The following POLN variants were observed in gnomAD, a reference collection of about 807,000 sequenced individuals.
POLN encodes the protein DNA polymerase nu.
In POLN, 108 loss-of-function variants were observed where a neutral mutation model predicts 113.5. That is an observed-to-expected ratio of 0.95 (90% CI 0.81 to 1.12). POLN has a LOEUF of 1.12. Ranked by LOEUF, POLN falls within the 50% of genes most tolerant of loss-of-function variation. The pLI, the probability that POLN is intolerant of heterozygous loss-of-function variation, is 0.00. For missense variants in POLN, 1,097 were observed against 1,077.1 expected, an observed-to-expected ratio of 1.02 and a Z score of -0.26; for synonymous variants, 386 against 391.5, an observed-to-expected ratio of 0.99 and a Z score of 0.17.
intron 4 of POLN, among the ~76,000 whole-genome samples, chr4:2,209,077 T>C (rs779116633): frequency 1.3e-4 from 20 of 152,204 alleles, no homozygotes; most frequent in Non-Finnish European, 2.5e-4. Context: ...TTATGTTGCA[T>C]ATGTGCATAA....
chr4:2,131,876 A>G (rs1237547612), intron 16 of POLN, among the ~76,000 whole-genome samples: 4 of 152,204 alleles, frequency 2.6e-5, no homozygotes, highest in African/African-American at 9.7e-5. Flanking sequence ...GCCCGTTTCA[A>G]CTATTCAAAT....
chr4:2,216,171 C>T (rs1734107925), intron 3 of POLN, among the ~76,000 whole-genome samples: 2 of 152,250 alleles, frequency 1.3e-5, no homozygotes, highest in African/African-American at 4.8e-5. Flanking sequence ...CAGCCAGTCT[C>T]TTGGCACAAG....
chr4:2,080,337 A>G, intron 23 of POLN: 1 of 999,828 alleles, frequency 1.0e-6, no homozygotes, highest in South Asian at 4.0e-5. Flanking sequence ...GGCCTGAGAG[A>G]GCTGTGGCCT....
intron 2 of POLN, chr4:2,231,871 C>G (rs1734590031): frequency 1.3e-6 from 1 of 760,150 alleles, no homozygotes; most frequent in African/African-American, 1.8e-5. Flanking sequence ...TTATTATACA[C>G]AGTCTTCTAA....
chr4:2,164,522 G>A (rs1223904079), intron 13 of POLN, among the ~76,000 whole-genome samples: 1 of 141,744 alleles, frequency 7.1e-6, no homozygotes, highest in Non-Finnish European at 1.5e-5. Flanking sequence ...AAAAAAAAAG[G>A]CTGGGTGTGG....
At chr4:2,076,210 T>G (rs536088538) in intron 23 of POLN, 2 of 153,502 alleles carry the variant, frequency 1.3e-5, no homozygotes, top group South Asian at 4.1e-4. Context: ...GCTCACAGAT[T>G]CAAGTGCAAG....
At chr4:2,150,094 CAAAAACA>C (rs1436532828) in intron 16 of POLN, among the ~76,000 whole-genome samples, 7 of 151,212 alleles carry the variant, frequency 4.6e-5, no homozygotes, top group South Asian at 2.1e-4. Flanking sequence ...AAAACAAAAA[CAAAAACA>C]AAAAACAAAA....
chr4:2,080,052 G>C, intron 23 of POLN: 1 of 985,522 alleles, frequency 1.0e-6, no homozygotes. Flanking sequence ...TAGGGTGGGG[G>C]TGGGAAAACG....
intron 1 of POLN, 64 bp from the exon 2 acceptor site, chr4:2,241,854 T>A: frequency 1.0e-6 from 1 of 984,238 alleles, no homozygotes; most frequent in Non-Finnish European, 1.2e-6. Context: ...AAGACGGGGG[T>A]GACAGGCCCC....
At chr4:2,220,559 A>T (rs1270466427) in intron 3 of POLN, among the ~76,000 whole-genome samples, 1 of 152,156 alleles carries the variant, frequency 6.6e-6, no homozygotes, top group Non-Finnish European at 1.5e-5. Context: ...CCTTGAGGGG[A>T]GAGACCCTGC....
At chr4:2,072,448 C>T (rs961300236) in intron 25 of POLN, 149 bp from the exon 26 acceptor site, 25 of 661,444 alleles carry the variant, frequency 3.8e-5, no homozygotes, top group African/African-American at 1.8e-4. Flanking sequence ...CATGTGCATA[C>T]ACGTGCACAC....
In POLN at chr4:2,156,375, C is replaced by CT. The variant is rs34241266; in HGVS notation, c.1731+412dup. 1,567 of 383,014 alleles carry CT rather than the reference C, an allele frequency of 4.1e-3. 3 individuals carry two copies. The highest frequency in any genetic ancestry group is 0.013 in the East Asian group (173 of 13,402). 23.7% of individuals were successfully genotyped at this position (383,014 alleles called of 1,614,324 possible). ...ATCATAAGTTCAAGGGAATTTAGAG[C>CT]TTTTTTTTTTTTTTTCTTCATCAGA... On this transcript the variant is annotated intron_variant, in intron 16 of 25. Coordinates refer to ENST00000511885, the MANE Select transcript of POLN (RefSeq NM_181808.4).
chr4:2,177,976 C>T (rs28432042), intron 8 of POLN, among the ~76,000 whole-genome samples: 37,577 of 152,242 alleles, frequency 0.25, 7,170 homozygotes, highest in African/African-American at 0.52. Context: ...CTGGTACTGC[C>T]TTTCCTCTGA....
chr4:2,159,930 A>T (rs1732536062), intron 13 of POLN, among the ~76,000 whole-genome samples: 1 of 152,192 alleles, frequency 6.6e-6, no homozygotes, highest in Non-Finnish European at 1.5e-5. Flanking sequence ...GGCTATTATG[A>T]ATAATGCTGG....
intron 7 of POLN, among the ~76,000 whole-genome samples, chr4:2,182,427 T>C (rs2108752198): frequency 6.6e-6 from 1 of 152,250 alleles, no homozygotes; most frequent in East Asian, 1.9e-4. Context: ...TGGAGGGATG[T>C]GTCTACAAGT....
intron 13 of POLN, among the ~76,000 whole-genome samples, chr4:2,167,947 T>C (rs1732769440): frequency 6.6e-6 from 1 of 151,588 alleles, no homozygotes; most frequent in Admixed American, 6.6e-5. Flanking sequence ...TATCTGGGAA[T>C]CCCCCACACA....
chr4:2,148,305 A>T (rs1219724626), intron 16 of POLN, among the ~76,000 whole-genome samples: 2 of 152,190 alleles, frequency 1.3e-5, no homozygotes. Flanking sequence ...GCTATGGGAC[A>T]AATTGACCTA....
In POLN at chr4:2,126,780, G is replaced by A. The variant is rs770796825; in HGVS notation, c.1982+1333C>T. Among the ~76,000 whole-genome samples, 5 of 152,132 alleles carry A rather than the reference G, an allele frequency of 3.3e-5. No homozygotes were observed. Among genetic ancestry groups the A allele is most frequent in the Admixed American group, 6.5e-5 (1 of 15,282 alleles). On this transcript the variant is annotated intron_variant, in intron 19 of 25. Coordinates refer to ENST00000511885, the MANE Select transcript of POLN (RefSeq NM_181808.4). The surrounding 1 kb of genome is among the most constrained non-coding windows in gnomAD (Gnocchi z 4.6). ...AAGAGCTTCCTGAGCCCCAGGACAG[G>A]AAAGGCCAGAGTGAGGCGGGTAACT...
intron 19 of POLN, among the ~76,000 whole-genome samples, chr4:2,100,485 T>C (rs2108704111): frequency 6.6e-6 from 1 of 152,290 alleles, no homozygotes; most frequent in East Asian, 1.9e-4. Flanking sequence ...AAAGACACAG[T>C]GGAAGATGTG....
Sources: allele counts gnomAD v4.1 joint callset (sites outside exome capture counted in the v4.1 genomes callset), GRCh38; gene constraint gnomAD v4.1.1; non-coding constraint Gnocchi (gnomAD v3.1); transcripts MANE v1.5; gene names NCBI Gene and HGNC (gene_info 2026-07-23, HGNC 2026-07-21).